The following ACOX3 variants were observed in gnomAD, a reference collection of about 807,000 sequenced individuals.
The protein encoded by ACOX3 is acyl-CoA oxidase 3, pristanoyl, also known as peroxisomal acyl-coenzyme A oxidase 3.
A neutral mutation model predicts 81.5 loss-of-function variants in ACOX3; 73 were observed. The observed-to-expected ratio is 0.90, with a 90% CI of 0.74 to 1.09. ACOX3 has a LOEUF of 1.09. Among genes scored for constraint, ACOX3 ranks in the 50% least tolerant of loss-of-function variants. ACOX3 has a pLI of 0.00. For missense variants in ACOX3, 947 were observed against 928.0 expected, an observed-to-expected ratio of 1.02 and a Z score of -0.27; for synonymous variants, 387 against 375.1, an observed-to-expected ratio of 1.03 and a Z score of -0.37.
At chr4:8,439,771 TC>T (rs975045184) in intron 1 of ACOX3, among the ~76,000 whole-genome samples, 3 of 152,136 alleles carry the variant, frequency 2.0e-5, no homozygotes, top group Non-Finnish European at 4.4e-5. Flanking sequence ...TCACTCTGTC[TC>T]CCAAAGAGAC....
intron 14 of ACOX3, among the ~76,000 whole-genome samples, chr4:8,378,835 G>A (rs1046749848): frequency 6.6e-6 from 1 of 152,220 alleles, no homozygotes; most frequent in African/African-American, 2.4e-5. Flanking sequence ...TTCTCCACCA[G>A]GTCAAAGAGT....
At chr4:8,410,755 C>A (rs1721631928) in intron 5 of ACOX3, among the ~76,000 whole-genome samples, 1 of 152,182 alleles carries the variant, frequency 6.6e-6, no homozygotes, top group Non-Finnish European at 1.5e-5. Flanking sequence ...GCAGTCCACT[C>A]AGTTCTTTAG....
At chr4:8,429,516 C>T (rs1723820445) in intron 1 of ACOX3, among the ~76,000 whole-genome samples, 3 of 152,156 alleles carry the variant, frequency 2.0e-5, no homozygotes, top group Non-Finnish European at 4.4e-5. Context: ...GGATATTGCT[C>T]GCCACAGTAT....
chr4:8,413,695 G>A (rs1578965473), intron 5 of ACOX3, among the ~76,000 whole-genome samples: 1 of 116,778 alleles, frequency 8.6e-6, no homozygotes, highest in African/African-American at 3.4e-5. Flanking sequence ...CCGTCTCACT[G>A]CACCCCGTGC....
In ACOX3 at chr4:8,370,469, A is replaced by G. The variant is rs1716038767; in HGVS notation, c.1983+439T>C. Among the ~76,000 whole-genome samples, 1 of 151,882 alleles carries G rather than the reference A, an allele frequency of 6.6e-6. No individual in the cohort carries two copies. Among genetic ancestry groups the G allele is most frequent in the Non-Finnish European group, 1.5e-5 (1 of 67,958 alleles). On this transcript the variant is annotated intron_variant, in intron 17 of 17. Transcript: ENST00000356406. This position sits in a 1 kb window ranked among gnomAD's most constrained non-coding sequence, Gnocchi z 6.3. ...GGGGCAGGGGAGAGTAACCCCGGTG[A>G]CAACCATGGATGGTCAGAGGGGACA...
At chr4:8,436,991 CAAA>C (rs60797435) in intron 1 of ACOX3, among the ~76,000 whole-genome samples, 5 of 89,396 alleles carry the variant, frequency 5.6e-5, no homozygotes, top group Admixed American at 1.4e-4. Flanking sequence ...GACTCCATCT[CAAA>C]AAAAAAAAAA....
chr4:8,399,096 G>A lies in ACOX3; in HGVS notation c.873+460C>T, dbSNP rs1329965504. Among the ~76,000 whole-genome samples, 1 of 152,162 alleles carries A rather than the reference G, an allele frequency of 6.6e-6. No homozygotes were observed. The highest frequency in any genetic ancestry group is 1.5e-5 in the Non-Finnish European group (1 of 68,026). ...GGTGGCCCACCTGCTGTGAGCTCAT[G>A]ATTCCTGAGGGTCATCAGCTATGAC... On this transcript the variant is annotated intron_variant, in intron 8 of 17. Transcript: ENST00000356406. This position sits in a 1 kb window ranked among gnomAD's most constrained non-coding sequence, Gnocchi z 4.9.
At chr4:8,372,059 G>T (rs1057117320) in intron 16 of ACOX3, among the ~76,000 whole-genome samples, 2 of 152,196 alleles carry the variant, frequency 1.3e-5, no homozygotes, top group Non-Finnish European at 2.9e-5. Flanking sequence ...GCACACAACG[G>T]TCATCCAGCC....
chr4:8,421,423 C>A (rs995154977), intron 1 of ACOX3, among the ~76,000 whole-genome samples: 1 of 152,228 alleles, frequency 6.6e-6, no homozygotes, highest in African/African-American at 2.4e-5. Context: ...AGAAAGCTGT[C>A]GTCCCAAATT....
chr4:8,405,716 A>T lies in ACOX3; in HGVS notation c.776+239T>A, dbSNP rs1281231698. Among the ~76,000 whole-genome samples the T allele has an allele frequency of 1.3e-5, 2 of 152,210 alleles. No homozygotes were observed. Among genetic ancestry groups the T allele is most frequent in the African/African-American group, 4.8e-5 (2 of 41,446 alleles). On this transcript the variant is annotated intron_variant, in intron 7 of 17. Coordinates refer to ENST00000356406, the MANE Select transcript of ACOX3 (RefSeq NM_003501.3). This position sits in a 1 kb window ranked among gnomAD's most constrained non-coding sequence, Gnocchi z 7.1. ...GTCTGGGTCTGATCTGAGAGTGTGGAGCCGCCTGCCAAGGTGAAGCTGGTT... is the reference window on the plus strand; with the variant it reads ...GTCTGGGTCTGATCTGAGAGTGTGGTGCCGCCTGCCAAGGTGAAGCTGGTT...
At chr4:8,426,181 T>TA (rs1723463286) in intron 1 of ACOX3, among the ~76,000 whole-genome samples, 1 of 152,090 alleles carries the variant, frequency 6.6e-6, no homozygotes, top group African/African-American at 2.4e-5. Flanking sequence ...AACAAGTTCT[T>TA]AAAACATTAC....
the ACOX3 span, chr4:8,357,139 C>G: frequency 1.8e-5 from 8 of 456,582 alleles, no homozygotes; most frequent in Admixed American, 9.4e-5. Flanking sequence ...ATGATCCCGG[C>G]AGGTGAGGGG....
chr4:8,361,434 A>C (rs1715232867), downstream of ACOX3, among the ~76,000 whole-genome samples: 1 of 143,010 alleles, frequency 7.0e-6, no homozygotes, highest in South Asian at 2.1e-4. Context: ...TCAAAAAAAA[A>C]AAAAAAAAAA....
chr4:8,407,680 C>A lies in ACOX3; in HGVS notation c.688-1637G>T, dbSNP rs527531111. Among the ~76,000 whole-genome samples the A allele has an allele frequency of 1.3e-5, 2 of 152,340 alleles. No homozygotes were observed. Among genetic ancestry groups the A allele is most frequent in the Admixed American group, 1.3e-4 (2 of 15,312 alleles). On this transcript the variant is annotated intron_variant, in intron 6 of 17. Transcript: ENST00000356406. This position sits in a 1 kb window ranked among gnomAD's most constrained non-coding sequence, Gnocchi z 4.6. Reference sequence around the variant, plus strand: ...TCCCTGCTAGATTTTAGTAAAGTGACAAAATGGCTGTGCAAATAGGTGTAG... The same window carrying A: ...TCCCTGCTAGATTTTAGTAAAGTGAAAAAATGGCTGTGCAAATAGGTGTAG...
rs1056424530 is a variant in ACOX3 at position 8,392,556 on chromosome 4, A to C, written c.1180-103T>G. ...CAAACCACCATATCACCTCTAGTCTAATACAAGACATCCCGAAAATGACAG... is the reference window on the plus strand; with the variant it reads ...CAAACCACCATATCACCTCTAGTCTCATACAAGACATCCCGAAAATGACAG... On this transcript the variant is annotated intron_variant, in intron 10 of 17. Coordinates refer to ENST00000356406, the MANE Select transcript of ACOX3 (RefSeq NM_003501.3). The C allele has an allele frequency of 1.7e-5, 21 of 1,256,580 alleles. No homozygotes were observed. In the African/African-American group the frequency reaches 3.0e-4, roughly 18 times the overall value. The allele number at this position is 1,256,580 out of a possible 1,614,324, so 77.8% of individuals were successfully genotyped here.
rs1720892866 is a variant in ACOX3 at position 8,405,941 on chromosome 4, CCT to C, written c.776+12_776+13del. 6.2e-7 allele frequency: 1 copy of C among 1,612,896 alleles called. No individual in the cohort carries two copies. Among genetic ancestry groups the C allele is most frequent in the Admixed American group, 1.7e-5 (1 of 60,018 alleles). On this transcript the variant is annotated intron_variant, in intron 7 of 17. Coordinates refer to ENST00000356406, the MANE Select transcript of ACOX3 (RefSeq NM_003501.3). The surrounding 1 kb of genome is among the most constrained non-coding windows in gnomAD (Gnocchi z 7.1). ...TGGCAGGAAGCTCAGGGCTCAGCAGCCTCTGTCACTCACCCATTATCCAGACC... is the reference window on the plus strand; with the variant it reads ...TGGCAGGAAGCTCAGGGCTCAGCAGCCTGTCACTCACCCATTATCCAGACC...
intron 6 of ACOX3, 152 bp downstream of exon 6, chr4:8,410,060 G>A: frequency 1.0e-6 from 1 of 1,002,572 alleles, no homozygotes; most frequent in Non-Finnish European, 1.4e-6. Flanking sequence ...CGGGGCTATG[G>A]GATGCACTGG....
At chr4:8,438,363 T>C (rs1450460650) in intron 1 of ACOX3, among the ~76,000 whole-genome samples, 1 of 152,000 alleles carries the variant, frequency 6.6e-6, no homozygotes, top group African/African-American at 2.4e-5. Flanking sequence ...AAAAGTGGAG[T>C]GCATGAACTG....
rs184443524 is a variant in ACOX3 at position 8,422,717 on chromosome 4, T to C, written c.-14-6182A>G. On this transcript the variant is annotated intron_variant, in intron 1 of 17. Transcript: ENST00000356406. ...TGGCCAAGGAGCCAAGGCTTGGAGATTGTATCGCAGCAGGGGAGGTAAGCT... is the reference window on the plus strand; with the variant it reads ...TGGCCAAGGAGCCAAGGCTTGGAGACTGTATCGCAGCAGGGGAGGTAAGCT... 2.3e-3 allele frequency among the ~76,000 whole-genome samples: 351 copies of C among 152,308 alleles called. 1 individual carries two copies. The highest frequency in any genetic ancestry group is 4.0e-3 in the Non-Finnish European group (274 of 68,026).
Sources: allele counts gnomAD v4.1 joint callset (sites outside exome capture counted in the v4.1 genomes callset), GRCh38; gene constraint gnomAD v4.1.1; non-coding constraint Gnocchi (gnomAD v3.1); transcripts MANE v1.5; gene names NCBI Gene and HGNC (gene_info 2026-07-23, HGNC 2026-07-21).